The following PTPRN2 variants were observed in gnomAD, a reference collection of about 807,000 sequenced individuals.
The protein encoded by PTPRN2 is receptor-type tyrosine-protein phosphatase N2.
PTPRN2 carries 74 observed loss-of-function variants against 118.8 expected under a neutral mutation model. The ratio of observed to expected loss-of-function variants is 0.62; its 90% CI spans 0.52 to 0.76. PTPRN2 has a LOEUF of 0.76. PTPRN2 is among the 30% of genes least tolerant of loss of function. The probability of loss-of-function intolerance (pLI) is 0.00; values close to 1 mark genes in which losing one functional copy is unlikely to be tolerated. For synonymous variants in PTPRN2, 641 were observed against 608.0 expected (o/e 1.05, Z -0.80); for missense variants, 1,481 against 1,394.4 (o/e 1.06, Z -0.99).
At chr7:157,624,254 C>T (rs899887725) in intron 14 of PTPRN2, among the ~76,000 whole-genome samples, 1 of 152,100 alleles carries the variant, frequency 6.6e-6, no homozygotes, top group Non-Finnish European at 1.5e-5. Context: ...AACCTTGTCT[C>T]TACTAAAAAT....
At chr7:157,795,155 C>T (rs1169794956) in intron 12 of PTPRN2, among the ~76,000 whole-genome samples, 7 of 115,774 alleles carry the variant, frequency 6.0e-5, no homozygotes, top group African/African-American at 1.5e-4. Context: ...GGCACTTCGG[C>T]GGGGTCGGGG....
rs72485817 is a variant in PTPRN2, at chr7:158,331,398, CACCAT to C, written c.164-14471_164-14467del. On this transcript the variant is annotated intron_variant, in intron 2 of 22. Transcript: ENST00000389418. ...CAGAAGTCACTCACACCCACACTCT[CACCAT>C]AAGAGCTGAGGCCCACAGAGGTCAC... Among the ~76,000 whole-genome samples the C allele has an allele frequency of 3.4e-3, 298 of 87,072 alleles. 1 individual carries two copies. Among genetic ancestry groups the C allele is most frequent in the Non-Finnish European group, 4.1e-3 (160 of 38,644 alleles). 57.1% of individuals were successfully genotyped at this position (87,072 alleles called of 152,430 possible). A position where few individuals can be genotyped will look rare whatever the true frequency, so the allele number is the denominator to read the frequency against.
chr7:158,407,257 G>A, intron 2 of PTPRN2, among the ~76,000 whole-genome samples: 2 of 71,028 alleles, frequency 2.8e-5, no homozygotes, highest in Non-Finnish European at 2.7e-5. Flanking sequence ...TGCGTCCTGG[G>A]TCCTGGGTCC....
intron 2 of PTPRN2, among the ~76,000 whole-genome samples, chr7:158,431,831 C>A (rs938240058): frequency 3.3e-5 from 5 of 152,262 alleles, no homozygotes; most frequent in Non-Finnish European, 5.9e-5. Context: ...TGGCTTACAG[C>A]CACCCACCCG....
intron 2 of PTPRN2, among the ~76,000 whole-genome samples, chr7:158,391,145 T>C (rs1795467024): frequency 6.6e-6 from 1 of 152,210 alleles, no homozygotes; most frequent in Non-Finnish European, 1.5e-5. Context: ...AAATACTTCT[T>C]ATTCCAAACA....
At chr7:157,686,551 G>A (rs1347698441) in intron 12 of PTPRN2, among the ~76,000 whole-genome samples, 3 of 152,154 alleles carry the variant, frequency 2.0e-5, no homozygotes, top group Admixed American at 6.5e-5. Flanking sequence ...CTCCCCCATG[G>A]GCACCGACCC....
In PTPRN2 at chr7:158,529,548, G is replaced by A. The variant is rs1825057789; in HGVS notation, c.113-39763C>T. 6.6e-6 allele frequency among the ~76,000 whole-genome samples: 1 copy of A among 152,214 alleles called. No homozygotes were observed. The highest frequency in any genetic ancestry group is 6.5e-5 in the Admixed American group (1 of 15,278). On this transcript the variant is annotated intron_variant, in intron 1 of 22. Transcript: ENST00000389418. The surrounding 1 kb of genome is among the most constrained non-coding windows in gnomAD (Gnocchi z 4.7). ...TGGAACCACAGAGTGCTCTGTATTA[G>A]ATATTTTGTGCATTTTTGACCAAAA...
chr7:158,131,585 TAC>T (rs770816133), intron 9 of PTPRN2, among the ~76,000 whole-genome samples: 18 of 129,668 alleles, frequency 1.4e-4, no homozygotes, highest in Non-Finnish European at 2.1e-4. Flanking sequence ...TACACACTCA[TAC>T]ACACACACGA....
At chr7:157,931,161 A>T (rs1261161088) in intron 11 of PTPRN2, among the ~76,000 whole-genome samples, 1 of 152,244 alleles carries the variant, frequency 6.6e-6, no homozygotes, top group Non-Finnish European at 1.5e-5. Context: ...CCACGCACGG[A>T]TAGGGTGGCT....
intron 12 of PTPRN2, among the ~76,000 whole-genome samples, chr7:157,828,605 G>A (rs1305467882): frequency 6.7e-6 from 1 of 150,270 alleles, no homozygotes; most frequent in Non-Finnish European, 1.5e-5. Flanking sequence ...GGTTACTGCA[G>A]GTATGATCAC....
intron 2 of PTPRN2, among the ~76,000 whole-genome samples, chr7:158,422,250 A>C (rs987679786): frequency 6.6e-6 from 1 of 152,188 alleles, no homozygotes; most frequent in East Asian, 1.9e-4. Context: ...TGCAAATCCT[A>C]GGTAGGTTCT....
rs1338687840 is a variant in PTPRN2, at chr7:158,332,211, T to C, written c.164-15279A>G. On this transcript the variant is annotated intron_variant, in intron 2 of 22. Coordinates refer to ENST00000389418, the MANE Select transcript of PTPRN2 (RefSeq NM_002847.5). Reference sequence around the variant, plus strand: ...AAGATGTGACACCTGCAGACATCACTCACATCCACACTCTGTCCATAAGAG... The same window carrying C: ...AAGATGTGACACCTGCAGACATCACCCACATCCACACTCTGTCCATAAGAG... 4.7e-5 allele frequency among the ~76,000 whole-genome samples: 7 copies of C among 148,302 alleles called. 1 individual carries two copies. Among genetic ancestry groups the C allele is most frequent in the East Asian group, 3.9e-4 (2 of 5,126 alleles).
chr7:157,679,124 CA>C (rs1796801763), intron 13 of PTPRN2, among the ~76,000 whole-genome samples: 1 of 151,406 alleles, frequency 6.6e-6, no homozygotes, highest in African/African-American at 2.4e-5. Context: ...CACATATATG[CA>C]TATATGACAG....
At chr7:157,833,850 C>G (rs986361609) in intron 12 of PTPRN2, among the ~76,000 whole-genome samples, 1 of 152,224 alleles carries the variant, frequency 6.6e-6, no homozygotes, top group Non-Finnish European at 1.5e-5. Flanking sequence ...CATAAATCAG[C>G]ATTGTGGCTT....
chr7:158,463,499 T>C (rs933562957), intron 2 of PTPRN2, among the ~76,000 whole-genome samples: 2 of 151,940 alleles, frequency 1.3e-5, no homozygotes, highest in Non-Finnish European at 2.9e-5. Context: ...ACCATTACCA[T>C]CACCACCATC....
At chr7:157,727,950 T>A (rs1370297463) in intron 12 of PTPRN2, among the ~76,000 whole-genome samples, 1 of 152,108 alleles carries the variant, frequency 6.6e-6, no homozygotes, top group Non-Finnish European at 1.5e-5. Context: ...CAGAGCCTCC[T>A]CCCAGCTGAG....
At position 157,642,814 on chromosome 7, in the gene PTPRN2, C is replaced by CAAAAAAAAAAAAAAAA; in HGVS notation, c.2196+13527_2196+13542dup. Among the ~76,000 whole-genome samples, 204 of 24,214 alleles carry CAAAAAAAAAAAAAAAA rather than the reference C, an allele frequency of 8.4e-3. 40 individuals carry two copies. Among genetic ancestry groups the CAAAAAAAAAAAAAAAA allele is most frequent in the South Asian group, 0.02 (4 of 200 alleles). The allele number at this position is 24,214 out of a possible 152,430, so 15.9% of individuals were successfully genotyped here. ...AAGGGTCTACCAAGTCAAGAAACAG[C>CAAAAAAAAAAAAAAAA]AAAAAAAAAAAAAAAAAAAAAAAAA... On this transcript the variant is annotated intron_variant, in intron 14 of 22. Transcript: ENST00000389418.
intron 2 of PTPRN2, among the ~76,000 whole-genome samples, chr7:158,402,008 G>A (rs960623632): frequency 6.6e-6 from 1 of 152,142 alleles, no homozygotes. Context: ...GGGAAACGGG[G>A]TGTGAAAGAG....
intron 2 of PTPRN2, among the ~76,000 whole-genome samples, chr7:158,333,668 C>A (rs1299022457): frequency 1.3e-5 from 2 of 151,454 alleles, no homozygotes; most frequent in African/African-American, 2.4e-5. Context: ...TAAGAGCTGA[C>A]ACCCACAGAC....
Sources: allele counts gnomAD v4.1 joint callset (sites outside exome capture counted in the v4.1 genomes callset), GRCh38; gene constraint gnomAD v4.1.1; non-coding constraint Gnocchi (gnomAD v3.1); transcripts MANE v1.5; gene names NCBI Gene and HGNC (gene_info 2026-07-23, HGNC 2026-07-21).